Variants in HDGFL3 observed in about 807,000 individuals in gnomAD.
The protein encoded by HDGFL3 is HDGF like 3.
A neutral mutation model predicts 27.6 loss-of-function variants in HDGFL3; 6 were observed. The ratio of observed to expected loss-of-function variants is 0.22; its 90% CI spans 0.12 to 0.43. HDGFL3 has a LOEUF of 0.43. HDGFL3 is among the 20% of genes least tolerant of loss of function. HDGFL3 has a pLI of 1.00. For synonymous variants in HDGFL3, 88 were observed against 88.9 expected (o/e 0.99, Z 0.05); for missense variants, 207 against 250.1 (o/e 0.83, Z 1.16).
chr15:83,151,674 A>T (rs1212971465), intron 4 of HDGFL3, among the ~76,000 whole-genome samples: 1 of 152,246 alleles, frequency 6.6e-6, no homozygotes. Context: ...ATGAATAAAT[A>T]CAGCTGGATG....
intron 1 of HDGFL3, among the ~76,000 whole-genome samples, chr15:83,181,997 A>G (rs967608156): frequency 6.6e-5 from 10 of 152,258 alleles, no homozygotes; most frequent in African/African-American, 2.4e-4. Context: ...TGTGTATTTC[A>G]TTATTTGGTA....
intron 5 of HDGFL3, among the ~76,000 whole-genome samples, chr15:83,146,608 TA>T (rs1345743602): frequency 6.6e-6 from 1 of 152,230 alleles, no homozygotes; most frequent in African/African-American, 2.4e-5. Flanking sequence ...CCCTGGCCTC[TA>T]ATCTTCTTTA....
At chr15:83,198,192 G>T (rs1477205067) in intron 1 of HDGFL3, among the ~76,000 whole-genome samples, 1 of 152,008 alleles carries the variant, frequency 6.6e-6, no homozygotes, top group Non-Finnish European at 1.5e-5. Flanking sequence ...TATTGGCCTG[G>T]ATAGTTCAAT....
At chr15:83,200,334 CAA>C (rs1160913925) in intron 1 of HDGFL3, among the ~76,000 whole-genome samples, 1 of 132,784 alleles carries the variant, frequency 7.5e-6, no homozygotes. Context: ...GACTCCATCT[CAA>C]AAAAAAAAAA....
intron 1 of HDGFL3, among the ~76,000 whole-genome samples, chr15:83,203,225 G>A (rs541962710): frequency 2.0e-5 from 3 of 152,046 alleles, no homozygotes; most frequent in African/African-American, 7.2e-5. Context: ...GGTAACATAA[G>A]CAGAGTGCTC....
At chr15:83,121,665 T>C (rs2035258182) in intron 3 of HDGFL3, among the ~76,000 whole-genome samples, 2 of 151,950 alleles carry the variant, frequency 1.3e-5, no homozygotes, top group Admixed American at 6.5e-5. Flanking sequence ...GGGATGATCA[T>C]GTTGTAGTTT....
intron 1 of HDGFL3, among the ~76,000 whole-genome samples, chr15:83,188,989 G>A (rs990323785): frequency 3.9e-5 from 6 of 152,084 alleles, no homozygotes; most frequent in Admixed American, 1.3e-4. Flanking sequence ...CCAGAACCTG[G>A]AATTCATTAT....
At chr15:83,115,573 C>G (rs2034583104) in exon 4 of HDGFL3, 1 of 583,566 alleles carries the variant, frequency 1.7e-6, no homozygotes, top group African/African-American at 1.8e-5. Flanking sequence ...CTAGAATCTT[C>G]TGTGACTGAG....
chr15:83,151,390 A>G (rs779234580), intron 4 of HDGFL3, 29 bp from the exon 5 acceptor site: 1 of 1,570,018 alleles, frequency 6.4e-7, no homozygotes. Flanking sequence ...TAAATATTAT[A>G]GTCAAAAGCA....
intron 1 of HDGFL3, among the ~76,000 whole-genome samples, chr15:83,205,994 G>A (rs985981180): frequency 6.6e-6 from 1 of 152,212 alleles, no homozygotes; most frequent in African/African-American, 2.4e-5. Flanking sequence ...AAGGATCCTA[G>A]AGATGATTTT....
At chr15:83,199,188 T>C (rs1037286082) in intron 1 of HDGFL3, among the ~76,000 whole-genome samples, 4 of 152,226 alleles carry the variant, frequency 2.6e-5, no homozygotes, top group Non-Finnish European at 4.4e-5. Context: ...CATCAAATAG[T>C]GGTCTAGAGG....
At chr15:83,182,958 A>G (rs893379901) in intron 1 of HDGFL3, among the ~76,000 whole-genome samples, 4 of 152,222 alleles carry the variant, frequency 2.6e-5, no homozygotes, top group South Asian at 2.1e-4. Context: ...TCTTGGGTGT[A>G]TGGGTGTTCA....
At chr15:83,181,809 C>T (rs2037384623) in intron 1 of HDGFL3, among the ~76,000 whole-genome samples, 1 of 152,162 alleles carries the variant, frequency 6.6e-6, no homozygotes, top group Admixed American at 6.6e-5. Flanking sequence ...GTTGTCTGAT[C>T]TGGCTTATTC....
intron 3 of HDGFL3, among the ~76,000 whole-genome samples, chr15:83,122,221 C>CAA (rs1256126434): frequency 1.3e-5 from 2 of 152,086 alleles, no homozygotes; most frequent in Admixed American, 1.3e-4. Context: ...ATTTGGCAGT[C>CAA]AAGTTATCAG....
At position 83,138,241 on chromosome 15, in the gene HDGFL3, A is replaced by G. The variant is rs1411893017; in HGVS notation, c.*1029T>C. 6.6e-6 allele frequency: 1 copy of G among 152,598 alleles called. No homozygotes were observed. Among genetic ancestry groups the G allele is most frequent in the Non-Finnish European group, 1.5e-5 (1 of 68,014 alleles). The allele number at this position is 152,598 out of a possible 1,614,324, so 9.5% of individuals were successfully genotyped here. ...TTTTTGTTTTTGATTTTTTTACAGT[A>G]AACTTTTCAACTACAAACCGTGAAT... On this transcript the variant is annotated 3_prime_UTR_variant, in exon 6 of 6. Coordinates refer to ENST00000299633, the MANE Select transcript of HDGFL3 (RefSeq NM_016073.4).
rs1380817554 is a variant in HDGFL3, at chr15:83,128,707, C to G, written c.*10563G>C. On this transcript the variant is annotated 3_prime_UTR_variant, in exon 6 of 6. Transcript: ENST00000299633. Reference sequence around the variant, plus strand: ...ATAAAATAGGACCTGATCCTCCCCACAACCTCTCTTCCATTTTTTCATTAT... The same window carrying G: ...ATAAAATAGGACCTGATCCTCCCCAGAACCTCTCTTCCATTTTTTCATTAT... 6.6e-6 allele frequency: 1 copy of G among 152,208 alleles called. No homozygotes were observed. Among genetic ancestry groups the G allele is most frequent in the East Asian group, 1.9e-4 (1 of 5,196 alleles). The allele number at this position is 152,208 out of a possible 1,614,324, so 9.4% of individuals were successfully genotyped here.
chr15:83,118,266 TACAG>T lies in HDGFL3; in HGVS notation c.394-2529_394-2526del, dbSNP rs1567138980. Reference sequence around the variant, plus strand: ...ACACACACACACACACACACACACATACAGAGAGAGCAAGAGAGAGAGAGGCAAG... The same window carrying T: ...ACACACACACACACACACACACACATAGAGAGCAAGAGAGAGAGAGGCAAG... On this transcript the variant is annotated intron_variant, in intron 3 of 3. Coordinates refer to the HDGFL3 transcript ENST00000568294. Among the ~76,000 whole-genome samples the T allele has an allele frequency of 4.9e-5, 7 of 141,478 alleles. No homozygotes were observed. The South Asian group carries it at 1.4e-3, about 28-fold the overall frequency. 92.8% of individuals were successfully genotyped at this position (141,478 alleles called of 152,430 possible).
At chr15:83,154,595 T>A (rs752951194) in intron 4 of HDGFL3, among the ~76,000 whole-genome samples, 11 of 152,146 alleles carry the variant, frequency 7.2e-5, no homozygotes, top group Non-Finnish European at 1.5e-4. Flanking sequence ...TAAAATGTCA[T>A]GTTATAATGT....
At chr15:83,198,964 C>A (rs2037604327) in intron 1 of HDGFL3, among the ~76,000 whole-genome samples, 1 of 152,156 alleles carries the variant, frequency 6.6e-6, no homozygotes, top group Non-Finnish European at 1.5e-5. Context: ...CATGCATGTG[C>A]ACGTACTGGG....
Sources: gnomAD v4.1 joint callset for allele counts (sites outside exome capture counted in the v4.1 genomes callset) on GRCh38, gnomAD v4.1.1 for gene constraint, MANE v1.5 for transcripts, NCBI Gene and HGNC (gene_info 2026-07-23, HGNC 2026-07-21) for gene names.